MICU2: variants seen among roughly 807,000 people sequenced by gnomAD.
MICU2 encodes the protein mitochondrial calcium uptake 2.
In MICU2, 64 loss-of-function variants were observed where a neutral mutation model predicts 60.4. The ratio of observed to expected loss-of-function variants is 1.06; its 90% CI spans 0.87 to 1.31. MICU2 has a LOEUF of 1.31. Ranked by LOEUF, MICU2 falls within the 50% of genes most tolerant of loss-of-function variation. The probability of loss-of-function intolerance (pLI) is 0.00; values close to 1 mark genes in which losing one functional copy is unlikely to be tolerated. For missense variants in MICU2, 569 were observed against 531.0 expected (o/e 1.07, Z -0.70); for synonymous variants, 201 against 175.0 (o/e 1.15, Z -1.17).
intron 8 of MICU2, among the ~76,000 whole-genome samples, chr13:21,506,794 T>C (rs1159341887): frequency 6.6e-6 from 1 of 152,228 alleles, no homozygotes; most frequent in Non-Finnish European, 1.5e-5. Flanking sequence ...TTCAGGGACC[T>C]TGCTCTTCTA....
In MICU2 at chr13:21,495,168, C is replaced by A; in HGVS notation, c.1193G>T (p.Gly398Val). The change falls in exon 11 of 12, where the codon GGT becomes GTT. Residue 398 changes from glycine to valine, a missense_variant. Physicochemically the swap from Gly to Val is moderately radical, Grantham distance 109 (BLOSUM62 -3). Transcript: ENST00000382374. ...LGVLKNRMHR[G>V]LWVPQHQSIQ... ...ATAAAAAAAATCTGTTACCCATAAA[C>A]CTCGATGCATTCTGTTTTTTAACAC... 6.2e-7 allele frequency: 1 copy of A among 1,603,466 alleles called. No individual in the cohort carries two copies. Among genetic ancestry groups the A allele is most frequent in the Non-Finnish European group, 8.5e-7 (1 of 1,176,160 alleles).
At chr13:21,509,382 G>A (rs1886370836) in intron 8 of MICU2, among the ~76,000 whole-genome samples, 3 of 152,156 alleles carry the variant, frequency 2.0e-5, no homozygotes, top group African/African-American at 7.2e-5. Context: ...TTAATGTACT[G>A]TTTATGGCTG....
intron 1 of MICU2, among the ~76,000 whole-genome samples, chr13:21,599,246 G>C (rs1444756570): frequency 1.3e-5 from 2 of 152,108 alleles, no homozygotes; most frequent in Non-Finnish European, 2.9e-5. Context: ...TTATACCTTT[G>C]CAACTCTAAA....
chr13:21,537,043 C>A (rs1887146379), intron 4 of MICU2, among the ~76,000 whole-genome samples: 1 of 152,236 alleles, frequency 6.6e-6, no homozygotes, highest in African/African-American at 2.4e-5. Context: ...TTCAACCTCA[C>A]TGGCAGCTTT....
chr13:21,533,320 C>A (rs1183630463), intron 4 of MICU2, among the ~76,000 whole-genome samples: 1 of 144,752 alleles, frequency 6.9e-6, no homozygotes, highest in African/African-American at 2.5e-5. Flanking sequence ...AGTAAGGCAG[C>A]GCAATTTTTT....
chr13:21,561,953 C>A (rs1427278239), intron 2 of MICU2, among the ~76,000 whole-genome samples: 2 of 144,620 alleles, frequency 1.4e-5, no homozygotes, highest in East Asian at 4.2e-4. Context: ...TGAGTGAGAA[C>A]ATGCAGTGTT....
rs139196089 is a variant in MICU2 at position 21,543,263 on chromosome 13, G to C, written c.359-3575C>G. Among the ~76,000 whole-genome samples, 385 of 152,246 alleles carry C rather than the reference G, an allele frequency of 2.5e-3. 3 individuals are homozygous for C. Among genetic ancestry groups the C allele is most frequent in the African/African-American group, 8.4e-3 (349 of 41,548 alleles). On this transcript the variant is annotated intron_variant, in intron 2 of 11. Transcript: ENST00000382374. ...GCTCTCAGCTTTTCTTCTAAGAACT[G>C]AAATGAGACAAGGATGCTCACCCCT... is the stretch of plus-strand genomic sequence containing the variant.
intron 6 of MICU2, among the ~76,000 whole-genome samples, chr13:21,516,770 A>G (rs1328422088): frequency 6.6e-6 from 1 of 152,212 alleles, no homozygotes; most frequent in Non-Finnish European, 1.5e-5. Flanking sequence ...CGTAAAAGGC[A>G]CCTATATTTA....
At chr13:21,575,748 A>AG (rs1166005720) in intron 1 of MICU2, among the ~76,000 whole-genome samples, 1 of 151,152 alleles carries the variant, frequency 6.6e-6, no homozygotes, top group Non-Finnish European at 1.5e-5. Context: ...AAAAAAAAAA[A>AG]AAAAAAAAGG....
In MICU2 at chr13:21,511,378, A is replaced by G. The variant is rs973507886; in HGVS notation, c.664-1277T>C. ...ACTATACAAAGACACTGTAGCAAGA[A>G]ATAGAAAAAGAACAAATCAGGTAAA... On this transcript the variant is annotated intron_variant, in intron 7 of 11. Coordinates refer to ENST00000382374, the MANE Select transcript of MICU2 (RefSeq NM_152726.3). Among the ~76,000 whole-genome samples the G allele has an allele frequency of 2.6e-5, 4 of 152,214 alleles. No individual in the cohort carries two copies. The East Asian group carries it at 7.7e-4, about 29-fold the overall frequency.
At chr13:21,501,374 T>C (rs1197626905) in intron 9 of MICU2, among the ~76,000 whole-genome samples, 4 of 152,004 alleles carry the variant, frequency 2.6e-5, no homozygotes, top group Non-Finnish European at 5.9e-5. Flanking sequence ...ACTATTCTCC[T>C]GCCTCAGCCT....
intron 2 of MICU2, among the ~76,000 whole-genome samples, chr13:21,553,256 G>T (rs1362728347): frequency 1.3e-5 from 2 of 152,160 alleles, no homozygotes. Context: ...AAGAATGCTT[G>T]TGATTTTTGC....
At chr13:21,509,223 A>T (rs576687267) in intron 8 of MICU2, among the ~76,000 whole-genome samples, 1 of 152,224 alleles carries the variant, frequency 6.6e-6, no homozygotes, top group African/African-American at 2.4e-5. Flanking sequence ...GGTAGACAGG[A>T]CACTGTATTT....
chr13:21,563,454 C>CAA (rs199787662), intron 2 of MICU2, among the ~76,000 whole-genome samples: 161 of 138,546 alleles, frequency 1.2e-3, no homozygotes, highest in East Asian at 2.6e-3. Context: ...GACTTTGTCT[C>CAA]AAAAAAAAAA....
chr13:21,521,100 T>C, intron 6 of MICU2, 145 bp downstream of exon 6: 2 of 694,024 alleles, frequency 2.9e-6, no homozygotes, highest in Non-Finnish European at 2.4e-6. Context: ...TTATAGAAAA[T>C]TTAATATTTT....
intron 8 of MICU2, among the ~76,000 whole-genome samples, chr13:21,503,603 CAT>C (rs903957787): frequency 1.3e-4 from 20 of 152,242 alleles, no homozygotes; most frequent in African/African-American, 4.6e-4. Flanking sequence ...TATCTAAAAA[CAT>C]AATCTTTTTG....
chr13:21,526,200 T>C (rs1886852223), intron 4 of MICU2, among the ~76,000 whole-genome samples: 1 of 149,020 alleles, frequency 6.7e-6, no homozygotes, highest in Non-Finnish European at 1.5e-5. Context: ...GTGATGCTCC[T>C]GCCTCAGCCT....
chr13:21,594,728 G>A (rs538135287), intron 1 of MICU2, among the ~76,000 whole-genome samples: 5 of 152,312 alleles, frequency 3.3e-5, no homozygotes, highest in African/African-American at 1.2e-4. Flanking sequence ...GTCCTTTGCA[G>A]GGACATGGAT....
At chr13:21,583,874 G>A (rs1198593815) in intron 1 of MICU2, among the ~76,000 whole-genome samples, 1 of 152,124 alleles carries the variant, frequency 6.6e-6, no homozygotes, top group Non-Finnish European at 1.5e-5. Flanking sequence ...ACAACAGTGT[G>A]ATTTAATCTC....
Sources: allele counts gnomAD v4.1 joint callset (sites outside exome capture counted in the v4.1 genomes callset), GRCh38; gene constraint gnomAD v4.1.1; transcripts MANE v1.5; gene names NCBI Gene and HGNC (gene_info 2026-07-23, HGNC 2026-07-21).